The following SPAG16 variants were observed in gnomAD, a reference collection of about 807,000 sequenced individuals.
SPAG16 encodes the protein sperm associated antigen 16.
A neutral mutation model predicts 80.4 loss-of-function variants in SPAG16; 86 were observed. That is an observed-to-expected ratio of 1.07 (90% confidence interval 0.90 to 1.28). The LOEUF is 1.28. SPAG16 is among the 50% of genes most tolerant of loss of function. The pLI, the probability that SPAG16 is intolerant of heterozygous loss-of-function variation, is 0.00. For missense variants in SPAG16, 870 were observed against 765.3 expected, an observed-to-expected ratio of 1.14 and a Z score of -1.61; for synonymous variants, 294 against 265.9, an observed-to-expected ratio of 1.11 and a Z score of -1.03.
chr2:213,725,656 A>T lies in SPAG16; in HGVS notation c.1071-136829A>T, dbSNP rs180908789. ...AGAGGGTGCGGCGTGTCTTAGCAAC[A>T]GTGAGAAAAGAGATATTCCACCTAG... On this transcript the variant is annotated intron_variant, in intron 10 of 15. Coordinates refer to ENST00000331683, the MANE Select transcript of SPAG16 (RefSeq NM_024532.5). 3.3e-5 allele frequency among the ~76,000 whole-genome samples: 5 copies of T among 152,336 alleles called. No individual in the cohort carries two copies. The East Asian group carries it at 7.7e-4, about 24-fold the overall frequency.
intron 15 of SPAG16, among the ~76,000 whole-genome samples, chr2:214,351,313 A>T (rs1698389258): frequency 6.6e-6 from 1 of 152,118 alleles, no homozygotes; most frequent in African/African-American, 2.4e-5. Flanking sequence ...GTCATATTAT[A>T]TCCATATATT....
chr2:213,625,673 TTTG>T (rs2061936526), intron 10 of SPAG16, among the ~76,000 whole-genome samples: 1 of 152,036 alleles, frequency 6.6e-6, no homozygotes, highest in Non-Finnish European at 1.5e-5. Flanking sequence ...TGTTCTTTTT[TTTG>T]TTTGTTTTTG....
At chr2:213,588,841 A>AAAAAAAAC (rs2060575670) in intron 10 of SPAG16, among the ~76,000 whole-genome samples, 3 of 141,298 alleles carry the variant, frequency 2.1e-5, no homozygotes, top group Admixed American at 6.9e-5. Context: ...AAAAAAAAAA[A>AAAAAAAAC]AAGACTCCCT....
At chr2:213,617,879 T>C (rs1257479577) in intron 10 of SPAG16, among the ~76,000 whole-genome samples, 1 of 152,122 alleles carries the variant, frequency 6.6e-6, no homozygotes, top group East Asian at 1.9e-4. Flanking sequence ...GAATGAGCAC[T>C]AGAGCTTTAA....
At chr2:213,551,900 G>C (rs879934863) in intron 10 of SPAG16, among the ~76,000 whole-genome samples, 1 of 152,110 alleles carries the variant, frequency 6.6e-6, no homozygotes. Context: ...AGTTTTTAGA[G>C]TCTCCCTTGA....
chr2:213,346,939 G>T (rs992612659), intron 6 of SPAG16, among the ~76,000 whole-genome samples: 1 of 152,064 alleles, frequency 6.6e-6, no homozygotes, highest in East Asian at 1.9e-4. Flanking sequence ...TCTATTGATT[G>T]GAATAGTTTT....
intron 10 of SPAG16, among the ~76,000 whole-genome samples, chr2:213,558,875 C>G (rs542927954): frequency 6.6e-6 from 1 of 152,142 alleles, no homozygotes; most frequent in Non-Finnish European, 1.5e-5. Context: ...TCTCCTCTCT[C>G]ATCTTTCCTG....
chr2:214,223,133 T>A (rs928006908), intron 15 of SPAG16, among the ~76,000 whole-genome samples: 1 of 150,980 alleles, frequency 6.6e-6, no homozygotes, highest in Non-Finnish European at 1.5e-5. Context: ...ATGAACTATT[T>A]TTTATTATTA....
At chr2:214,237,590 C>T (rs1405761620) in intron 15 of SPAG16, among the ~76,000 whole-genome samples, 1 of 152,000 alleles carries the variant, frequency 6.6e-6, no homozygotes, top group Non-Finnish European at 1.5e-5. Flanking sequence ...TCTTTCATTA[C>T]TGTAAAATGT....
intron 15 of SPAG16, among the ~76,000 whole-genome samples, chr2:214,224,718 T>C (rs187191072): frequency 1.2e-4 from 19 of 152,304 alleles, no homozygotes; most frequent in Non-Finnish European, 2.5e-4. Flanking sequence ...TCAAAATGTT[T>C]TACTTGTTGA....
intron 10 of SPAG16, among the ~76,000 whole-genome samples, chr2:213,820,815 A>G (rs1178610197): frequency 2.0e-5 from 3 of 152,088 alleles, no homozygotes; most frequent in Non-Finnish European, 2.9e-5. Context: ...CTAATTGTAT[A>G]AAATTAGTAC....
At chr2:214,320,359 A>G (rs1314034313) in intron 15 of SPAG16, among the ~76,000 whole-genome samples, 1 of 152,184 alleles carries the variant, frequency 6.6e-6, no homozygotes, top group Admixed American at 6.5e-5. Context: ...CCTTGCTCCC[A>G]TGATACTCTA....
intron 15 of SPAG16, among the ~76,000 whole-genome samples, chr2:214,184,115 C>G (rs1473287770): frequency 6.6e-6 from 1 of 152,052 alleles, no homozygotes; most frequent in Admixed American, 6.6e-5. Flanking sequence ...AACCATATAT[C>G]ATATGAAATA....
At chr2:213,419,637 C>A (rs2069472684) in intron 9 of SPAG16, among the ~76,000 whole-genome samples, 2 of 152,026 alleles carry the variant, frequency 1.3e-5, no homozygotes. Context: ...TTGTTTTTCT[C>A]TTGAAAATAA....
chr2:214,186,145 T>C (rs553051277), intron 15 of SPAG16, among the ~76,000 whole-genome samples: 14 of 152,296 alleles, frequency 9.2e-5, no homozygotes, highest in Middle Eastern at 3.4e-3. Flanking sequence ...GGAATTATAT[T>C]GTCAAGTATT....
intron 11 of SPAG16, among the ~76,000 whole-genome samples, chr2:213,907,564 T>G (rs1052826374): frequency 1.3e-5 from 2 of 152,032 alleles, no homozygotes; most frequent in Non-Finnish European, 2.9e-5. Context: ...AAGCAGTATA[T>G]CAAAGTGATA....
chr2:213,666,742 A>G (rs971873802), intron 10 of SPAG16, among the ~76,000 whole-genome samples: 1 of 152,332 alleles, frequency 6.6e-6, no homozygotes, highest in East Asian at 1.9e-4. Flanking sequence ...TTCCAGAAGA[A>G]GAGAAGACTT....
At chr2:213,410,701 G>A (rs1219379423) in intron 9 of SPAG16, among the ~76,000 whole-genome samples, 1 of 152,164 alleles carries the variant, frequency 6.6e-6, no homozygotes. Context: ...CAAATATTCC[G>A]TCCACACATT....
intron 15 of SPAG16, among the ~76,000 whole-genome samples, chr2:214,400,144 T>A (rs1701624271): frequency 6.6e-6 from 1 of 152,044 alleles, no homozygotes. Flanking sequence ...CATGCTCTCC[T>A]AATAGGGGGG....
Sources: allele counts gnomAD v4.1 joint callset (sites outside exome capture counted in the v4.1 genomes callset), GRCh38; gene constraint gnomAD v4.1.1; transcripts MANE v1.5; gene names NCBI Gene and HGNC (gene_info 2026-07-23, HGNC 2026-07-21).